The following MBNL1 variants were observed in gnomAD, a reference collection of about 807,000 sequenced individuals.
MBNL1 encodes muscleblind like splicing regulator 1.
A neutral mutation model predicts 42.2 loss-of-function variants in MBNL1; 8 were observed. That is an observed-to-expected ratio of 0.19 (90% CI 0.11 to 0.34). MBNL1 has a LOEUF of 0.34. Ranked by LOEUF, MBNL1 falls within the 10% of genes least tolerant of loss-of-function variation. The pLI is 1.00. For synonymous variants in MBNL1, 169 were observed against 173.9 expected (o/e 0.97, Z 0.22); for missense variants, 309 against 495.3 (o/e 0.62, Z 3.57).
At chr3:152,446,851 T>A (rs1486701356) in intron 5 of MBNL1, 1 of 1,074,690 alleles carries the variant, frequency 9.3e-7, no homozygotes, top group African/African-American at 1.6e-5. Context: ...TATCCTTTTT[T>A]CTGTTATAGA....
intron 6 of MBNL1, among the ~76,000 whole-genome samples, chr3:152,452,814 T>C (rs777122009): frequency 4.0e-4 from 61 of 152,180 alleles, no homozygotes; most frequent in Non-Finnish European, 6.6e-4. Flanking sequence ...AGTGTTGGCT[T>C]ATGAGTTTTA....
chr3:152,372,695 C>T (rs1476375183), intron 2 of MBNL1, among the ~76,000 whole-genome samples: 1 of 152,158 alleles, frequency 6.6e-6, no homozygotes, highest in African/African-American at 2.4e-5. Context: ...GGGCACCCGC[C>T]AGATGCTAGT....
chr3:152,379,123 A>G (rs556723988), intron 2 of MBNL1, among the ~76,000 whole-genome samples: 145 of 152,366 alleles, frequency 9.5e-4, no homozygotes, highest in African/African-American at 3.3e-3. Context: ...ATCTCAAACT[A>G]GATTAGAAGC....
chr3:152,313,314 C>T (rs73154162), intron 2 of MBNL1, among the ~76,000 whole-genome samples: 16,227 of 152,098 alleles, frequency 0.11, 1,123 homozygotes, highest in Middle Eastern at 0.18. Context: ...TGAGCCACCG[C>T]GCCCGGCCAA....
At chr3:152,325,741 A>G (rs527426038) in intron 2 of MBNL1, among the ~76,000 whole-genome samples, 2 of 151,362 alleles carry the variant, frequency 1.3e-5, no homozygotes, top group Non-Finnish European at 3.0e-5. Context: ...CAGGTTAGAA[A>G]TATTAAAAAA....
At chr3:152,368,297 G>A (rs1245535510) in intron 2 of MBNL1, among the ~76,000 whole-genome samples, 2 of 152,056 alleles carry the variant, frequency 1.3e-5, no homozygotes, top group Non-Finnish European at 2.9e-5. Flanking sequence ...TTTTTGTCAG[G>A]TTTGTCAAAG....
intron 3 of MBNL1, among the ~76,000 whole-genome samples, chr3:152,418,152 G>C (rs958296099): frequency 1.3e-5 from 2 of 152,158 alleles, no homozygotes; most frequent in South Asian, 2.1e-4. Flanking sequence ...GGCACTTTTT[G>C]TATATTAAAT....
chr3:152,426,025 G>T (rs2098924952), intron 3 of MBNL1, among the ~76,000 whole-genome samples: 1 of 152,168 alleles, frequency 6.6e-6, no homozygotes, highest in Non-Finnish European at 1.5e-5. Context: ...CCATAGGAAA[G>T]AATGAGTTCC....
chr3:152,432,391 G>A (rs139653411), intron 3 of MBNL1, among the ~76,000 whole-genome samples: 524 of 151,978 alleles, frequency 3.4e-3, no homozygotes, highest in African/African-American at 0.012. Context: ...CAAAGATGAA[G>A]ATTAGATGAC....
chr3:152,303,338 C>T (rs1246072133), intron 2 of MBNL1, among the ~76,000 whole-genome samples: 1 of 152,134 alleles, frequency 6.6e-6, no homozygotes, highest in East Asian at 1.9e-4. Context: ...ATAAACAATA[C>T]TCTAAATACT....
At chr3:152,410,185 A>G (rs1000939506) in intron 2 of MBNL1, among the ~76,000 whole-genome samples, 1 of 152,128 alleles carries the variant, frequency 6.6e-6, no homozygotes, top group African/African-American at 2.4e-5. Context: ...ATGTTTATAA[A>G]TGAATCATAC....
intron 2 of MBNL1, among the ~76,000 whole-genome samples, chr3:152,306,971 T>TA (rs1325088280): frequency 6.6e-6 from 1 of 152,212 alleles, no homozygotes; most frequent in African/African-American, 2.4e-5. Context: ...CTTCATTTTT[T>TA]ATCTTCTTAT....
At chr3:152,314,196 A>G (rs1029876695) in intron 2 of MBNL1, among the ~76,000 whole-genome samples, 3 of 152,026 alleles carry the variant, frequency 2.0e-5, no homozygotes. Flanking sequence ...CTATTTTTTT[A>G]TACCTATATA....
At chr3:152,415,170 T>G in intron 3 of MBNL1, 59 bp downstream of exon 3, 2 of 1,429,028 alleles carry the variant, frequency 1.4e-6, no homozygotes, top group Non-Finnish European at 1.9e-6. Context: ...TCAGTTGTAG[T>G]ACTAAAGTGA....
intron 3 of MBNL1, among the ~76,000 whole-genome samples, chr3:152,423,442 T>C (rs1406687926): frequency 6.6e-6 from 1 of 152,132 alleles, no homozygotes; most frequent in Non-Finnish European, 1.5e-5. Flanking sequence ...GTAATTATAA[T>C]AGCCTATCAA....
intron 2 of MBNL1, chr3:152,338,076 C>T (rs750470879): frequency 9.0e-5 from 85 of 941,288 alleles, no homozygotes; most frequent in African/African-American, 3.0e-4. Flanking sequence ...CCATAAATGC[C>T]GTAGGCATGC....
chr3:152,306,256 C>G (rs1018021203), intron 2 of MBNL1, among the ~76,000 whole-genome samples: 18 of 152,176 alleles, frequency 1.2e-4, no homozygotes, highest in African/African-American at 4.3e-4. Context: ...AACAGAGACA[C>G]CTCCCCTACC....
At chr3:152,275,397 A>G (rs576242641) in intron 1 of MBNL1, among the ~76,000 whole-genome samples, 2 of 152,118 alleles carry the variant, frequency 1.3e-5, no homozygotes, top group Non-Finnish European at 2.9e-5. Context: ...TATAAACACT[A>G]TATCTAAATT....
At chr3:152,324,179 A>G (rs535611159) in intron 2 of MBNL1, among the ~76,000 whole-genome samples, 2 of 152,340 alleles carry the variant, frequency 1.3e-5, no homozygotes, top group African/African-American at 4.8e-5. Context: ...ATAAATGTCA[A>G]CTGTCATTCA....
Sources: allele counts gnomAD v4.1 joint callset (sites outside exome capture counted in the v4.1 genomes callset), GRCh38; gene constraint gnomAD v4.1.1; transcripts MANE v1.5; gene names NCBI Gene and HGNC (gene_info 2026-07-23, HGNC 2026-07-21).